The following CSMD1 variants were observed in gnomAD, a reference collection of about 807,000 sequenced individuals.
CSMD1 encodes CUB and Sushi multiple domains 1.
CSMD1 carries 213 observed loss-of-function variants against 417.5 expected under a neutral mutation model. The observed-to-expected ratio is 0.51, with a 90% CI of 0.46 to 0.57. The LOEUF (loss-of-function observed/expected upper bound fraction) is 0.57. CSMD1 is among the 20% of genes least tolerant of loss of function. The probability of loss-of-function intolerance (pLI) is 0.00; values close to 1 mark genes in which losing one functional copy is unlikely to be tolerated. For missense variants in CSMD1, 6,923 were observed against 4,529.7 expected (o/e 1.53, Z -15.17); for synonymous variants, 2,862 against 1,736.8 (o/e 1.65, Z -16.11).
intron 30 of CSMD1, among the ~76,000 whole-genome samples, chr8:3,209,385 C>G (rs536107419): frequency 6.6e-6 from 1 of 152,034 alleles, no homozygotes; most frequent in Non-Finnish European, 1.5e-5. Flanking sequence ...GGCGTGATCT[C>G]GGCTCACTGC....
intron 52 of CSMD1, among the ~76,000 whole-genome samples, chr8:3,018,023 C>T (rs1444735621): frequency 6.6e-6 from 1 of 151,942 alleles, no homozygotes; most frequent in Non-Finnish European, 1.5e-5. Context: ...TTAAATTATG[C>T]AGAATATTTT....
At chr8:4,533,951 T>C (rs139327409) in intron 2 of CSMD1, among the ~76,000 whole-genome samples, 1 of 148,976 alleles carries the variant, frequency 6.7e-6, no homozygotes, top group African/African-American at 2.4e-5. Flanking sequence ...TACATATTTA[T>C]ATATATAAAT....
At chr8:3,572,351 G>A (rs1378732492) in intron 10 of CSMD1, among the ~76,000 whole-genome samples, 1 of 152,150 alleles carries the variant, frequency 6.6e-6, no homozygotes, top group Non-Finnish European at 1.5e-5. Context: ...CCACTGTGAA[G>A]CGGGCTAAGA....
At chr8:4,651,872 G>A (rs1403416717) in intron 1 of CSMD1, among the ~76,000 whole-genome samples, 1 of 152,160 alleles carries the variant, frequency 6.6e-6, no homozygotes, top group African/African-American at 2.4e-5. Flanking sequence ...AAAGAACCCT[G>A]GCCTGCAAGT....
intron 3 of CSMD1, among the ~76,000 whole-genome samples, chr8:4,373,242 G>A (rs978926765): frequency 1.8e-4 from 27 of 152,162 alleles, no homozygotes; most frequent in African/African-American, 2.4e-5. Flanking sequence ...CCAGCCAAGA[G>A]GAGCCTACGA....
chr8:4,305,046 C>A (rs1477986997), intron 3 of CSMD1, among the ~76,000 whole-genome samples: 4 of 152,168 alleles, frequency 2.6e-5, no homozygotes, highest in African/African-American at 9.7e-5. Context: ...AGTCCCTTTT[C>A]AACACAGGCA....
intron 5 of CSMD1, among the ~76,000 whole-genome samples, chr8:3,838,855 A>T (rs1396571449): frequency 1.7e-5 from 2 of 120,502 alleles, no homozygotes; most frequent in Non-Finnish European, 3.2e-5. Context: ...ATACTATTAT[A>T]TATACTATTA....
At chr8:3,881,608 C>CAAA (rs370466578) in intron 5 of CSMD1, among the ~76,000 whole-genome samples, 1 of 102,544 alleles carries the variant, frequency 9.8e-6, no homozygotes, top group Admixed American at 1.1e-4. Context: ...GACTCCATCT[C>CAAA]AAAAAAAAAA....
rs947416065 is a variant in CSMD1, at chr8:4,905,019, C to T, written c.85+89313G>A. 2.4e-4 allele frequency among the ~76,000 whole-genome samples: 37 copies of T among 152,140 alleles called. 1 individual carries two copies. The highest frequency in any genetic ancestry group is 8.8e-5 in the Non-Finnish European group (6 of 68,024). ...TATTACTCACTCTAAGGTAGTGTGACAGTAGAAATTAAAAATAGCTGGGAC... is the reference window on the plus strand; with the variant it reads ...TATTACTCACTCTAAGGTAGTGTGATAGTAGAAATTAAAAATAGCTGGGAC... On this transcript the variant is annotated intron_variant, in intron 1 of 69. Coordinates refer to ENST00000635120, the MANE Select transcript of CSMD1 (RefSeq NM_033225.6).
At chr8:3,957,631 CTA>C (rs1286638695) in intron 5 of CSMD1, among the ~76,000 whole-genome samples, 2 of 151,864 alleles carry the variant, frequency 1.3e-5, no homozygotes, top group African/African-American at 4.8e-5. Flanking sequence ...TTGCAGTGAA[CTA>C]TAGTCATGCC....
chr8:3,953,439 T>G (rs951478274), intron 5 of CSMD1, among the ~76,000 whole-genome samples: 1 of 152,186 alleles, frequency 6.6e-6, no homozygotes, highest in Non-Finnish European at 1.5e-5. Flanking sequence ...TCAAAAATTA[T>G]TTTGCACAGA....
At chr8:4,048,668 A>C (rs951567926) in intron 3 of CSMD1, among the ~76,000 whole-genome samples, 1 of 152,204 alleles carries the variant, frequency 6.6e-6, no homozygotes, top group African/African-American at 2.4e-5. Context: ...ACCACAGAGG[A>C]AAGTGTGATT....
At chr8:3,358,515 G>A (rs545875167) in intron 21 of CSMD1, among the ~76,000 whole-genome samples, 2 of 152,128 alleles carry the variant, frequency 1.3e-5, no homozygotes, top group African/African-American at 4.8e-5. Flanking sequence ...GCTAATAAAC[G>A]TCACCCCACT....
intron 2 of CSMD1, among the ~76,000 whole-genome samples, chr8:4,511,677 G>T (rs1430926492): frequency 6.6e-6 from 1 of 152,262 alleles, no homozygotes; most frequent in Non-Finnish European, 1.5e-5. Flanking sequence ...TCCAGAGTGG[G>T]AGTAGGGAAG....
intron 9 of CSMD1, among the ~76,000 whole-genome samples, chr8:3,584,448 T>A (rs1244380335): frequency 6.6e-6 from 1 of 152,072 alleles, no homozygotes; most frequent in Non-Finnish European, 1.5e-5. Context: ...TCTCTAAGCG[T>A]GAGTAGCTGG....
chr8:3,216,787 T>A (rs1797907131), intron 29 of CSMD1, among the ~76,000 whole-genome samples: 1 of 152,256 alleles, frequency 6.6e-6, no homozygotes, highest in African/African-American at 2.4e-5. Flanking sequence ...CCAGGTGGAT[T>A]GCCTCAGCCA....
rs1041066589 is a variant in CSMD1 at position 3,749,866 on chromosome 8, T to C, written c.931+4064A>G. 3.9e-5 allele frequency among the ~76,000 whole-genome samples: 6 copies of C among 152,198 alleles called. No homozygotes were observed. The South Asian group carries it at 8.3e-4, about 21-fold the overall frequency. On this transcript the variant is annotated intron_variant, in intron 6 of 69. Coordinates refer to ENST00000635120, the MANE Select transcript of CSMD1 (RefSeq NM_033225.6). ...TGAGGTGGTTCGCGGTGGTTGACAATGGTGCTCGCATCTCCTGGGGACATT... is the reference window on the plus strand; with the variant it reads ...TGAGGTGGTTCGCGGTGGTTGACAACGGTGCTCGCATCTCCTGGGGACATT...
At chr8:3,247,335 C>G (rs1436536629) in intron 26 of CSMD1, among the ~76,000 whole-genome samples, 2 of 152,168 alleles carry the variant, frequency 1.3e-5, no homozygotes, top group African/African-American at 4.8e-5. Context: ...TCCTCCTGCT[C>G]CTGGCCCCCT....
intron 1 of CSMD1, among the ~76,000 whole-genome samples, chr8:4,799,865 G>C (rs1262071477): frequency 6.6e-6 from 1 of 152,006 alleles, no homozygotes; most frequent in Admixed American, 6.6e-5. Context: ...ACCTGTGTAA[G>C]AAAGTACTCA....
Sources: gnomAD v4.1 joint callset for allele counts (sites outside exome capture counted in the v4.1 genomes callset) on GRCh38, gnomAD v4.1.1 for gene constraint, MANE v1.5 for transcripts, NCBI Gene and HGNC (gene_info 2026-07-23, HGNC 2026-07-21) for gene names.